TPTE2: variants seen among roughly 807,000 people sequenced by gnomAD.
TPTE2 encodes phosphatidylinositol 3,4,5-trisphosphate 3-phosphatase TPTE2.
In TPTE2, 53 loss-of-function variants were observed where a neutral mutation model predicts 78.6. The observed-to-expected ratio is 0.67, with a 90% CI of 0.54 to 0.85. The LOEUF (loss-of-function observed/expected upper bound fraction) is 0.85, where lower values mean the gene tolerates loss of function less well. Among genes scored for constraint, TPTE2 ranks in the 40% least tolerant of loss-of-function variants. The pLI is 0.00. For synonymous variants in TPTE2, 175 were observed against 206.2 expected (o/e 0.85, Z 1.30); for missense variants, 461 against 623.0 (o/e 0.74, Z 2.77).
the TPTE2 span, among the ~76,000 whole-genome samples, chr13:19,541,840 T>C: frequency 6.6e-6 from 1 of 152,146 alleles, no homozygotes; most frequent in African/African-American, 2.4e-5. Flanking sequence ...GTCTCCATGA[T>C]TGAGATTAAT....
chr13:19,438,130 C>T (rs144740505), exon 14 of TPTE2: 2 of 1,609,494 alleles, frequency 1.2e-6, no homozygotes, highest in Non-Finnish European at 1.7e-6. Context: ...ATAAGGAGGG[C>T]ACAAACCATA....
chr13:19,494,438 G>A (rs1291602159), intron 1 of TPTE2, among the ~76,000 whole-genome samples: 1 of 151,276 alleles, frequency 6.6e-6, no homozygotes, highest in Non-Finnish European at 1.5e-5. Flanking sequence ...ACAAAGTTTC[G>A]CTCCTGCTGC....
chr13:19,560,024 T>C, the TPTE2 span: 1 of 536,178 alleles, frequency 1.9e-6, no homozygotes, highest in Non-Finnish European at 3.2e-6. Context: ...CAGTCCATCA[T>C]GGCCTCGAGC....
chr13:19,560,458 C>A, the TPTE2 span: 1 of 1,605,886 alleles, frequency 6.2e-7, no homozygotes, highest in African/African-American at 1.3e-5. Flanking sequence ...TGGCAGTGAG[C>A]GCTGGGCCAC....
chr13:19,440,118 T>C lies in TPTE2; in HGVS notation c.974-1965A>G, dbSNP rs1348419145. Among the ~76,000 whole-genome samples, 4 of 152,146 alleles carry C rather than the reference T, an allele frequency of 2.6e-5. No individual in the cohort carries two copies. The South Asian group carries it at 8.3e-4, about 32-fold the overall frequency. ...GCCAGACAGCACCTGTGAGATACTATAAAAAATGAGCATTACCAAGGCATA... is the reference window on the plus strand; with the variant it reads ...GCCAGACAGCACCTGTGAGATACTACAAAAAATGAGCATTACCAAGGCATA... On this transcript the variant is annotated intron_variant, in intron 13 of 19. Transcript: ENST00000400230.
At chr13:19,549,818 A>G in the TPTE2 span, among the ~76,000 whole-genome samples, 1 of 93,022 alleles carries the variant, frequency 1.1e-5, no homozygotes, top group African/African-American at 2.7e-5. Context: ...AATACTATGC[A>G]GCTACAAAGA....
chr13:19,482,894 T>C (rs1880445581), intron 3 of TPTE2, among the ~76,000 whole-genome samples: 1 of 151,792 alleles, frequency 6.6e-6, no homozygotes, highest in Non-Finnish European at 1.5e-5. Flanking sequence ...ACATTGTGGG[T>C]TTCATTCCAG....
chr13:19,462,384 A>G (rs1477898959), intron 10 of TPTE2, among the ~76,000 whole-genome samples: 1 of 151,254 alleles, frequency 6.6e-6, no homozygotes, highest in Non-Finnish European at 1.5e-5. Context: ...TTCTTGGTTG[A>G]CAGTTTTTTT....
chr13:19,525,427 A>G (rs1031246769), intron 1 of TPTE2, among the ~76,000 whole-genome samples: 2 of 152,222 alleles, frequency 1.3e-5, no homozygotes, highest in African/African-American at 4.8e-5. Context: ...GACAAAGCCA[A>G]CAAAAACAAG....
intron 3 of TPTE2, among the ~76,000 whole-genome samples, chr13:19,490,388 A>G (rs1880927563): frequency 1.3e-5 from 2 of 152,322 alleles, no homozygotes; most frequent in African/African-American, 4.8e-5. Flanking sequence ...TGAAAAATGG[A>G]CATTAATCAG....
chr13:19,434,552 TATC>T (rs1439914852), intron 15 of TPTE2, among the ~76,000 whole-genome samples: 5 of 152,172 alleles, frequency 3.3e-5, no homozygotes, highest in Non-Finnish European at 7.3e-5. Context: ...TAAATTCACC[TATC>T]ACTTTTAGCT....
chr13:19,481,041 CA>C lies in TPTE2; in HGVS notation c.179+1446del, dbSNP rs936001850. On this transcript the variant is annotated intron_variant, in intron 4 of 19. Transcript: ENST00000400230. ...GTAAGTGCACATGAATATATATTAA[CA>C]AAAAAATATAGTCATGATGTCATTA... Among the ~76,000 whole-genome samples, 15 of 152,012 alleles carry C rather than the reference CA, an allele frequency of 9.9e-5. No individual in the cohort carries two copies. The East Asian group carries it at 1.7e-3, about 18-fold the overall frequency.
At chr13:19,423,506 T>G (rs2137448203) in intron 19 of TPTE2, among the ~76,000 whole-genome samples, 1 of 152,314 alleles carries the variant, frequency 6.6e-6, no homozygotes, top group South Asian at 2.1e-4. Context: ...ACTATATCTC[T>G]TTTAATTTAT....
At chr13:19,450,468 T>C in intron 11 of TPTE2, 124 bp from the exon 15 acceptor site, 1 of 836,802 alleles carries the variant, frequency 1.2e-6, no homozygotes, top group African/African-American at 1.7e-5. Flanking sequence ...CTTTCCAAGT[T>C]GCTCCTGCCA....
intron 10 of TPTE2, among the ~76,000 whole-genome samples, chr13:19,454,975 G>A (rs955741380): frequency 5.9e-5 from 9 of 152,152 alleles, no homozygotes; most frequent in Non-Finnish European, 1.0e-4. Context: ...GGAAATTTTT[G>A]GATGGCTGCC....
upstream of TPTE2, among the ~76,000 whole-genome samples, chr13:19,503,598 C>T (rs1324526352): frequency 6.6e-6 from 1 of 152,012 alleles, no homozygotes; most frequent in Non-Finnish European, 1.5e-5. Flanking sequence ...GGTAGTCAGC[C>T]CTCTTATTCC....
chr13:19,507,967 A>G (rs2451086), upstream of TPTE2, among the ~76,000 whole-genome samples: 20,950 of 152,110 alleles, frequency 0.14, 1,628 homozygotes, highest in African/African-American at 0.2. Flanking sequence ...TGTTAAATTT[A>G]CCTTGTCTAA....
At chr13:19,511,871 C>G (rs1869470366) in intron 1 of TPTE2, among the ~76,000 whole-genome samples, 1 of 151,530 alleles carries the variant, frequency 6.6e-6, no homozygotes, top group Non-Finnish European at 1.5e-5. Flanking sequence ...AAAAAAAAAT[C>G]ACCATTTTGT....
At chr13:19,527,966 A>AT (rs1870614651) in intron 1 of TPTE2, among the ~76,000 whole-genome samples, 1 of 152,208 alleles carries the variant, frequency 6.6e-6, no homozygotes. Flanking sequence ...ACCAGTCCTG[A>AT]TGTTTCCAAG....
Sources: allele counts gnomAD v4.1 joint callset (sites outside exome capture counted in the v4.1 genomes callset), GRCh38; gene constraint gnomAD v4.1.1; transcripts MANE v1.5; gene names NCBI Gene and HGNC (gene_info 2026-07-23, HGNC 2026-07-21).